NLRP4: variants seen among roughly 807,000 people sequenced by gnomAD.
NLRP4 encodes the protein NLR family pyrin domain containing 4, also known as NACHT, LRR and PYD domains-containing protein 4.
Under a neutral mutation model 84.7 loss-of-function variants are expected in NLRP4, and 44 were observed. The observed-to-expected ratio is 0.52, with a 90% CI of 0.41 to 0.67. The LOEUF (loss-of-function observed/expected upper bound fraction) is 0.67, where lower values mean the gene tolerates loss of function less well. Among genes scored for constraint, NLRP4 ranks in the 30% least tolerant of loss-of-function variants. The pLI is 0.00. For missense variants in NLRP4, 1,260 were observed against 1,219.4 expected (o/e 1.03, Z -0.50); for synonymous variants, 544 against 476.4 (o/e 1.14, Z -1.85).
At chr19:55,848,909 C>G (rs980171950) in intron 1 of NLRP4, among the ~76,000 whole-genome samples, 2 of 152,126 alleles carry the variant, frequency 1.3e-5, no homozygotes, top group African/African-American at 4.8e-5. Context: ...CCTGATGGTT[C>G]TATAAGGGGA....
intron 2 of NLRP4, among the ~76,000 whole-genome samples, chr19:55,855,410 G>T (rs942737550): frequency 6.6e-6 from 1 of 152,202 alleles, no homozygotes; most frequent in Non-Finnish European, 1.5e-5. Flanking sequence ...CTCCAGAACA[G>T]CTGAGAAGAC....
chr19:55,854,413 A>G (rs1261963784), intron 2 of NLRP4, among the ~76,000 whole-genome samples: 1 of 151,960 alleles, frequency 6.6e-6, no homozygotes, highest in Non-Finnish European at 1.5e-5. Flanking sequence ...AGATTTTAAC[A>G]TTTATAGGTC....
At chr19:55,838,498 C>T (rs967166685) in intron 1 of NLRP4, among the ~76,000 whole-genome samples, 1 of 152,002 alleles carries the variant, frequency 6.6e-6, no homozygotes, top group African/African-American at 2.4e-5. Context: ...GACATCTAGG[C>T]TCCAGAACCA....
chr19:55,850,018 C>CGGTGTGATTTCCGTAGCTGT lies in NLRP4; in HGVS notation c.-65-1985_-65-1984insTAGCTGTGGTGTGATTTCCG, dbSNP rs1983992137. 2.4e-5 allele frequency among the ~76,000 whole-genome samples: 3 copies of CGGTGTGATTTCCGTAGCTGT among 123,130 alleles called. 1 individual carries two copies. Among genetic ancestry groups the CGGTGTGATTTCCGTAGCTGT allele is most frequent in the African/African-American group, 1.3e-4 (3 of 22,800 alleles). 80.8% of individuals were successfully genotyped at this position (123,130 alleles called of 152,430 possible). On this transcript the variant is annotated intron_variant, in intron 1 of 9. Coordinates refer to ENST00000301295, the MANE Select transcript of NLRP4 (RefSeq NM_134444.5). ...GACTGCGGTGTGATTTCCGAGACTG[C>CGGTGTGATTTCCGTAGCTGT]GGTGTGATTTCCGAGACTGCGGTGT...
intron 1 of NLRP4, among the ~76,000 whole-genome samples, chr19:55,839,704 T>C (rs1476496037): frequency 2.6e-5 from 4 of 152,196 alleles, no homozygotes; most frequent in Admixed American, 6.5e-5. Context: ...TTATCCAGTT[T>C]GTATTTTCAA....
chr19:55,851,453 G>A (rs1984134871), intron 1 of NLRP4, among the ~76,000 whole-genome samples: 1 of 33,096 alleles, frequency 3.0e-5, no homozygotes. Flanking sequence ...TAATGTCCGT[G>A]GCTGCGGTGT....
chr19:55,881,009 C>T (rs1387933319), intron 9 of NLRP4, among the ~76,000 whole-genome samples: 1 of 152,340 alleles, frequency 6.6e-6, no homozygotes, highest in Middle Eastern at 3.4e-3. Flanking sequence ...TTCTCCCTAA[C>T]TCCCACTGAC....
intron 1 of NLRP4, among the ~76,000 whole-genome samples, chr19:55,839,612 G>T (rs1600216246): frequency 6.6e-6 from 1 of 151,834 alleles, no homozygotes; most frequent in East Asian, 1.9e-4. Flanking sequence ...CTCAATTTTT[G>T]ATATCTGTAG....
intron 2 of NLRP4, among the ~76,000 whole-genome samples, chr19:55,853,863 CTCTCTCTT>C (rs1380446548): frequency 6.6e-6 from 1 of 150,380 alleles, no homozygotes; most frequent in African/African-American, 2.4e-5. Flanking sequence ...CTCTCTCTTC[CTCTCTCTT>C]TCTCTCTTGC....
intron 5 of NLRP4, 80 bp from the exon 6 acceptor site, chr19:55,867,629 C>T (rs1374644251): frequency 7.5e-7 from 1 of 1,339,806 alleles, no homozygotes; most frequent in Non-Finnish European, 1.0e-6. Context: ...TGTGGGCTTC[C>T]CGACTCTGAC....
Position 55,862,077 on chromosome 19 carries a change from A to G in NLRP4, c.2104A>G (p.Thr702Ala). ...GCCAGACTTGAAATACCTGAGCTTC[A>G]CCCTCACGAAACTCTCTCGTGATGA... ...YQPDLKYLSF[T>A]LTKLSRDDIR... The change falls in exon 5 of 10, where the codon ACC becomes GCC. Residue 702 changes from threonine (T) to alanine (A), a missense_variant. Physicochemically the swap from Thr to Ala is moderately conservative, Grantham distance 58. Transcript: ENST00000301295. The G allele has an allele frequency of 6.2e-7, 1 of 1,612,336 alleles. No homozygotes were observed. Among genetic ancestry groups the G allele is most frequent in the Non-Finnish European group, 8.5e-7 (1 of 1,178,380 alleles).
At chr19:55,860,672 A>G (rs1014775024) in intron 3 of NLRP4, among the ~76,000 whole-genome samples, 3 of 152,186 alleles carry the variant, frequency 2.0e-5, no homozygotes, top group African/African-American at 7.2e-5. Flanking sequence ...GCTGGATCCT[A>G]TCCAGTCAAG....
At chr19:55,847,444 CATAA>C (rs1983839848) in intron 1 of NLRP4, among the ~76,000 whole-genome samples, 1 of 152,064 alleles carries the variant, frequency 6.6e-6, no homozygotes, top group African/African-American at 2.4e-5. Flanking sequence ...TGTAGGATTC[CATAA>C]ATATTCATAA....
At chr19:55,848,074 T>C (rs10417674) in intron 1 of NLRP4, among the ~76,000 whole-genome samples, 6,787 of 152,214 alleles carry the variant, frequency 0.045, 388 homozygotes, top group African/African-American at 0.13. Context: ...GTTTCATTGC[T>C]GTGTCTCCAT....
At chr19:55,845,234 T>C (rs1983751241) in intron 1 of NLRP4, among the ~76,000 whole-genome samples, 1 of 139,846 alleles carries the variant, frequency 7.2e-6, no homozygotes, top group Non-Finnish European at 1.5e-5. Context: ...TGTCCATGTG[T>C]TCTCATTGTT....
At chr19:55,849,156 T>C in intron 1 of NLRP4, among the ~76,000 whole-genome samples, 1 of 152,164 alleles carries the variant, frequency 6.6e-6, no homozygotes, top group Middle Eastern at 3.2e-3. Flanking sequence ...GAAGAATCCA[T>C]CCATCTAAGC....
intron 4 of NLRP4, 74 bp downstream of exon 4, chr19:55,861,621 G>C (rs78517399): frequency 4.4e-6 from 6 of 1,367,130 alleles, no homozygotes; most frequent in Non-Finnish European, 6.1e-6. Flanking sequence ...GCTTTCAGTC[G>C]AGGCTAACTG....
intron 1 of NLRP4, among the ~76,000 whole-genome samples, chr19:55,845,854 G>A (rs1983775035): frequency 1.6e-5 from 2 of 128,256 alleles, no homozygotes; most frequent in Non-Finnish European, 3.0e-5. Flanking sequence ...TATATCCTTT[G>A]CCCACTTTTT....
rs559605252 is a variant in NLRP4 at position 55,852,537 on chromosome 19, T to C, written c.280+177T>C. On this transcript the variant is annotated intron_variant, in intron 2 of 9. Coordinates refer to ENST00000301295, the MANE Select transcript of NLRP4 (RefSeq NM_134444.5). ...CTTTGTTGCCCAGACAGTGCAGTAG[T>C]GTGATCTTGGCTCACCGCAACCTCC... Among the ~76,000 whole-genome samples the C allele has an allele frequency of 4.1e-3, 611 of 150,142 alleles. 3 individuals carry two copies. Among genetic ancestry groups the C allele is most frequent in the Non-Finnish European group, 6.8e-3 (463 of 67,762 alleles).
Sources: allele counts gnomAD v4.1 joint callset (sites outside exome capture counted in the v4.1 genomes callset), GRCh38; gene constraint gnomAD v4.1.1; transcripts MANE v1.5; gene names NCBI Gene and HGNC (gene_info 2026-07-23, HGNC 2026-07-21).